NRCAM: variants seen among roughly 807,000 people sequenced by gnomAD.
NRCAM encodes NgCAM-related cell adhesion molecule.
A neutral mutation model predicts 156.5 loss-of-function variants in NRCAM; 83 were observed. That is an observed-to-expected ratio of 0.53 (90% CI 0.44 to 0.64). The LOEUF (loss-of-function observed/expected upper bound fraction) is 0.64. Among genes scored for constraint, NRCAM ranks in the 30% least tolerant of loss-of-function variants. The pLI, the probability that NRCAM is intolerant of heterozygous loss-of-function variation, is 0.00. For missense variants in NRCAM, 1,417 were observed against 1,597.3 expected, an observed-to-expected ratio of 0.89 and a Z score of 1.92; for synonymous variants, 538 against 563.9, an observed-to-expected ratio of 0.95 and a Z score of 0.65.
intron 20 of NRCAM, 149 bp downstream of exon 20, chr7:108,189,496 G>C: frequency 1.7e-6 from 1 of 586,080 alleles, no homozygotes; most frequent in South Asian, 2.2e-5. Context: ...CTGAAGAGAG[G>C]AAGGACATAA....
chr7:108,356,815 G>C (rs2099504598), intron 2 of NRCAM, among the ~76,000 whole-genome samples: 1 of 152,132 alleles, frequency 6.6e-6, no homozygotes, highest in African/African-American at 2.4e-5. Flanking sequence ...TCATTATTTT[G>C]TGTTACCCCC....
intron 5 of NRCAM, chr7:108,234,958 T>C (rs1401550373): frequency 8.9e-6 from 5 of 562,232 alleles, no homozygotes; most frequent in Non-Finnish European, 1.6e-5. Flanking sequence ...TAATTATCAA[T>C]ACAAACCTAA....
At chr7:108,405,314 C>G (rs183152877) in intron 1 of NRCAM, among the ~76,000 whole-genome samples, 2 of 152,170 alleles carry the variant, frequency 1.3e-5, no homozygotes, top group Non-Finnish European at 2.9e-5. Flanking sequence ...CGCCTCAGTG[C>G]GGCTTCTTTG....
chr7:108,235,047 A>T (rs1198422834), intron 5 of NRCAM, among the ~76,000 whole-genome samples: 7 of 152,148 alleles, frequency 4.6e-5, no homozygotes, highest in Admixed American at 4.6e-4. Context: ...TTTTCAAAGG[A>T]ATTTAAGTTA....
At chr7:108,441,986 A>C (rs1035782108) in intron 1 of NRCAM, among the ~76,000 whole-genome samples, 1 of 152,234 alleles carries the variant, frequency 6.6e-6, no homozygotes, top group Non-Finnish European at 1.5e-5. Context: ...TAGGTAAGCA[A>C]CTAATAAATG....
At chr7:108,367,627 T>C (rs2099599855) in intron 2 of NRCAM, among the ~76,000 whole-genome samples, 1 of 152,170 alleles carries the variant, frequency 6.6e-6, no homozygotes, top group Admixed American at 6.5e-5. Context: ...TTAACATTTT[T>C]GCAAAACATT....
At chr7:108,291,759 T>C (rs566213165) in intron 3 of NRCAM, among the ~76,000 whole-genome samples, 17 of 152,174 alleles carry the variant, frequency 1.1e-4, no homozygotes, top group Non-Finnish European at 1.8e-4. Context: ...ATTTTATTAC[T>C]CCATAAGAGG....
chr7:108,261,377 T>C (rs1013891850), intron 3 of NRCAM, among the ~76,000 whole-genome samples: 3 of 152,212 alleles, frequency 2.0e-5, no homozygotes, highest in African/African-American at 4.8e-5. Context: ...AGTAAGTAGA[T>C]AGTATAGCTC....
At chr7:108,272,138 TACTC>T (rs963075272) in intron 3 of NRCAM, among the ~76,000 whole-genome samples, 4 of 152,238 alleles carry the variant, frequency 2.6e-5, no homozygotes, top group Non-Finnish European at 4.4e-5. Flanking sequence ...GATCTAAAAT[TACTC>T]AAGAAGGCAT....
intron 2 of NRCAM, among the ~76,000 whole-genome samples, chr7:108,376,264 G>C (rs1328983368): frequency 6.6e-6 from 1 of 152,080 alleles, no homozygotes; most frequent in Non-Finnish European, 1.5e-5. Flanking sequence ...AAAATGGCTG[G>C]GGTTCATCCA....
chr7:108,159,436 A>G (rs1286063071), intron 32 of NRCAM, 27 bp downstream of exon 32: 1 of 1,587,124 alleles, frequency 6.3e-7, no homozygotes, highest in Admixed American at 1.7e-5. Flanking sequence ...GGCAGAGAAG[A>G]TGAAGAGCAG....
At chr7:108,316,736 C>T (rs1212570971) in intron 2 of NRCAM, among the ~76,000 whole-genome samples, 1 of 151,512 alleles carries the variant, frequency 6.6e-6, no homozygotes, top group Non-Finnish European at 1.5e-5. Context: ...TTGCAGTGAG[C>T]CAAGATCACA....
chr7:108,335,174 C>A (rs1019873341), intron 2 of NRCAM, among the ~76,000 whole-genome samples: 8 of 152,136 alleles, frequency 5.3e-5, no homozygotes, highest in Non-Finnish European at 1.0e-4. Flanking sequence ...AGTGTTAGTG[C>A]ACTCTCTTTC....
chr7:108,176,754 A>T, intron 26 of NRCAM, 148 bp from the exon 27 acceptor site: 1 of 617,892 alleles, frequency 1.6e-6, no homozygotes, highest in Non-Finnish European at 2.8e-6. Flanking sequence ...TAACTAAGTG[A>T]TAACCTTTTA....
chr7:108,177,701 G>GTA (rs562718153), intron 26 of NRCAM, among the ~76,000 whole-genome samples: 3,175 of 21,224 alleles, frequency 0.15, 62 homozygotes, highest in Middle Eastern at 0.35. Flanking sequence ...ATATATACAC[G>GTA]TATATATATA....
At chr7:108,356,129 A>G (rs2099494401) in intron 2 of NRCAM, among the ~76,000 whole-genome samples, 1 of 152,080 alleles carries the variant, frequency 6.6e-6, no homozygotes, top group Non-Finnish European at 1.5e-5. Flanking sequence ...TTGTAGTTTT[A>G]GTAGAGACAG....
intron 2 of NRCAM, among the ~76,000 whole-genome samples, chr7:108,367,987 G>A (rs970224019): frequency 5.9e-5 from 9 of 152,194 alleles, no homozygotes; most frequent in South Asian, 2.1e-4. Flanking sequence ...AGTTCGAATC[G>A]TCTCATTCCT....
chr7:108,287,119 T>C (rs915145523), intron 3 of NRCAM, among the ~76,000 whole-genome samples: 6 of 151,956 alleles, frequency 3.9e-5, no homozygotes, highest in Admixed American at 2.0e-4. Flanking sequence ...GATTAAAGAC[T>C]TAAATGTAAG....
At chr7:108,219,126 C>T (rs973861701) in intron 11 of NRCAM, among the ~76,000 whole-genome samples, 1 of 152,022 alleles carries the variant, frequency 6.6e-6, no homozygotes, top group African/African-American at 2.4e-5. Flanking sequence ...GGATAAATTC[C>T]TGGAAAAATA....
Sources: allele counts gnomAD v4.1 joint callset (sites outside exome capture counted in the v4.1 genomes callset), GRCh38; gene constraint gnomAD v4.1.1; transcripts MANE v1.5; gene names NCBI Gene and HGNC (gene_info 2026-07-23, HGNC 2026-07-21).